TRIO: variants seen among roughly 807,000 people sequenced by gnomAD.
TRIO encodes trio Rho guanine nucleotide exchange factor, also known as triple functional domain protein.
TRIO carries 58 observed loss-of-function variants against 351.9 expected under a neutral mutation model. That is an observed-to-expected ratio of 0.16 (90% CI 0.13 to 0.21). The LOEUF is 0.21. TRIO is among the 10% of genes least tolerant of loss of function. TRIO has a pLI of 1.00. For missense variants in TRIO, 3,201 were observed against 4,027.8 expected (o/e 0.79, Z 5.56); for synonymous variants, 1,758 against 1,595.7 (o/e 1.10, Z -2.42).
intron 33 of TRIO, among the ~76,000 whole-genome samples, chr5:14,411,245 C>T (rs1749172077): frequency 1.3e-5 from 2 of 152,200 alleles, no homozygotes; most frequent in African/African-American, 2.4e-5. Context: ...TTACTAAAGA[C>T]ACATCTTTAA....
chr5:14,401,468 C>T (rs1328096634), intron 31 of TRIO, among the ~76,000 whole-genome samples: 2 of 152,164 alleles, frequency 1.3e-5, no homozygotes, highest in Non-Finnish European at 2.9e-5. Context: ...TGAGGACCTG[C>T]GACAGGAAGT....
rs1257364977 is a variant in TRIO at position 14,497,865 on chromosome 5, A to C, written c.8038A>C (p.Ile2680Leu). ...ATTTCAGCTTCTCAATCCCAACTAC[A>C]TTTATGACGGTGAGTTCTGTTCTTT... ...VSVKLLNPNY[I>L]YDVPPEFVIP... Residue 2680 changes from isoleucine to leucine, a missense_variant, in exon 51 of 57, where the codon ATT becomes CTT. This residue lies in a region of TRIO where 1,089 missense variants were observed against 954.9 expected (regional missense o/e 1.14). Transcript: ENST00000344204. The surrounding 1 kb of genome is among the most constrained non-coding windows in gnomAD (Gnocchi z 4.4). 2 of 1,614,200 alleles carry C rather than the reference A, an allele frequency of 1.2e-6. No individual in the cohort carries two copies. The highest frequency in any genetic ancestry group is 2.2e-5 in the South Asian group (2 of 91,084).
At chr5:14,507,327 GC>G (rs1386076302) in intron 56 of TRIO, 67 bp downstream of exon 56, 2 of 1,587,410 alleles carry the variant, frequency 1.3e-6, no homozygotes, top group Admixed American at 1.8e-5. Flanking sequence ...GGGACACAGA[GC>G]CCCCTCTGAA....
intron 29 of TRIO, among the ~76,000 whole-genome samples, chr5:14,398,232 G>C (rs1747778421): frequency 6.6e-6 from 1 of 152,214 alleles, no homozygotes; most frequent in East Asian, 1.9e-4. Flanking sequence ...CTAAGCCCTG[G>C]TGGCTTCATA....
At chr5:14,475,740 G>T (rs905913159) in intron 40 of TRIO, among the ~76,000 whole-genome samples, 1 of 152,158 alleles carries the variant, frequency 6.6e-6, no homozygotes, top group African/African-American at 2.4e-5. Context: ...TACTTCCAAG[G>T]CTAGTTTTTA....
intron 1 of TRIO, among the ~76,000 whole-genome samples, chr5:14,197,456 TGTC>T (rs1015816226): frequency 2.6e-5 from 4 of 152,134 alleles, no homozygotes; most frequent in African/African-American, 9.7e-5. Flanking sequence ...TCTCTTTTCT[TGTC>T]TTCTTCTTAT....
Position 14,461,155 on chromosome 5 carries a change from C to G in TRIO, c.5340C>G (p.Pro1780=). The part of the protein sequence containing the change: ...GNTLRKWLTS[P]VRRLSSGKAD... Reference sequence around the variant, plus strand: ...CCCTGCGCAAGTGGCTCACCAGCCCCGTGCGGCGGCTCAGCAGCGGCAAGG... The same window carrying G: ...CCCTGCGCAAGTGGCTCACCAGCCCGGTGCGGCGGCTCAGCAGCGGCAAGG... Residue 1780 remains proline (P), a synonymous_variant, in exon 35 of 57, where the codon CCC becomes CCG. Coordinates refer to ENST00000344204, the MANE Select transcript of TRIO (RefSeq NM_007118.4). The G allele has an allele frequency of 6.4e-7, 1 of 1,556,248 alleles. No individual in the cohort carries two copies. The highest frequency in any genetic ancestry group is 8.7e-7 in the Non-Finnish European group (1 of 1,150,630).
intron 12 of TRIO, 34 bp from the exon 13 acceptor site, chr5:14,359,323 C>T (rs752420363): frequency 6.3e-7 from 1 of 1,591,834 alleles, no homozygotes; most frequent in East Asian, 2.3e-5. Flanking sequence ...GTGACTTTCT[C>T]ATCCAATTCC....
chr5:14,153,270 C>G (rs1310697307), intron 1 of TRIO, among the ~76,000 whole-genome samples: 1 of 152,190 alleles, frequency 6.6e-6, no homozygotes, highest in Admixed American at 6.5e-5. Flanking sequence ...TTAACAGCAG[C>G]TGCCAGGGAG....
chr5:14,234,332 T>G (rs1307910851), intron 1 of TRIO, among the ~76,000 whole-genome samples: 1 of 152,174 alleles, frequency 6.6e-6, no homozygotes, highest in East Asian at 1.9e-4. Context: ...TAGAAGCTTG[T>G]GGCAAGACCA....
chr5:14,303,393 C>T (rs188769680), intron 7 of TRIO, among the ~76,000 whole-genome samples: 2 of 138,318 alleles, frequency 1.4e-5, no homozygotes, highest in Admixed American at 7.2e-5. Flanking sequence ...GGATGGCTGC[C>T]GCAGGAATTG....
intron 34 of TRIO, among the ~76,000 whole-genome samples, chr5:14,429,740 C>T (rs896359265): frequency 2.0e-4 from 31 of 152,170 alleles, no homozygotes; most frequent in African/African-American, 7.5e-4. Flanking sequence ...GTCTTGTTCC[C>T]ACAACCCCAC....
At chr5:14,272,135 T>C (rs774362855) in intron 2 of TRIO, among the ~76,000 whole-genome samples, 22 of 152,342 alleles carry the variant, frequency 1.4e-4, no homozygotes, top group Middle Eastern at 6.8e-3. Context: ...ACAAACTGCA[T>C]TGTAAGGACT....
chr5:14,312,677 T>C (rs1739031924), intron 8 of TRIO, among the ~76,000 whole-genome samples: 1 of 152,236 alleles, frequency 6.6e-6, no homozygotes, highest in South Asian at 2.1e-4. Flanking sequence ...ACAAAATGTA[T>C]AACTGAAGTA....
chr5:14,273,071 C>T (rs1182102585), intron 2 of TRIO, among the ~76,000 whole-genome samples: 1 of 152,150 alleles, frequency 6.6e-6, no homozygotes, highest in African/African-American at 2.4e-5. Flanking sequence ...CATCACCTCC[C>T]AGGAACCCCA....
intron 12 of TRIO, among the ~76,000 whole-genome samples, 189 bp downstream of exon 12, chr5:14,358,536 C>G (rs1743844898): frequency 2.1e-5 from 1 of 47,202 alleles, no homozygotes; most frequent in African/African-American, 1.6e-4. Context: ...TCCCTTCTCT[C>G]CCTCCTTACA....
At chr5:14,502,170 C>T (rs1266188291) in intron 53 of TRIO, among the ~76,000 whole-genome samples, 1 of 151,886 alleles carries the variant, frequency 6.6e-6, no homozygotes, top group African/African-American at 2.4e-5. Context: ...CGAGGTGGTG[C>T]GGCCAGGTGA....
Position 14,282,471 on chromosome 5 carries a change from G to A in TRIO, c.347+2035G>A, listed in dbSNP as rs185981609. 3.3e-5 allele frequency among the ~76,000 whole-genome samples: 5 copies of A among 152,144 alleles called. No individual in the cohort carries two copies. In the East Asian group the frequency reaches 9.7e-4, roughly 29 times the overall value. Reference sequence around the variant, plus strand: ...CTTTGACAACTTGCTTTTTGGTCTTGAAACCTATGTTAATAGTAAATATTA... The same window carrying A: ...CTTTGACAACTTGCTTTTTGGTCTTAAAACCTATGTTAATAGTAAATATTA... On this transcript the variant is annotated intron_variant, in intron 3 of 56. Transcript: ENST00000344204.
At chr5:14,182,862 A>ACCCCCC (rs33945464) in intron 1 of TRIO, among the ~76,000 whole-genome samples, 19 of 61,638 alleles carry the variant, frequency 3.1e-4, no homozygotes, top group African/African-American at 8.0e-4. Context: ...TACAGTGGAG[A>ACCCCCC]CCCCCCCCCC....
Sources: gnomAD v4.1 joint callset for allele counts (sites outside exome capture counted in the v4.1 genomes callset) on GRCh38, gnomAD v4.1.1 for gene constraint, gnomAD v4.1.1 regional missense constraint, Gnocchi (gnomAD v3.1) non-coding constraint, MANE v1.5 for transcripts, NCBI Gene and HGNC (gene_info 2026-07-23, HGNC 2026-07-21) for gene names.